FRMD4A: variants seen among roughly 807,000 people sequenced by gnomAD.
FRMD4A encodes FERM domain containing 4A.
Under a neutral mutation model 129.1 loss-of-function variants are expected in FRMD4A, and 29 were observed. The ratio of observed to expected loss-of-function variants is 0.22; its 90% CI spans 0.17 to 0.31. The LOEUF (loss-of-function observed/expected upper bound fraction) is 0.31, where lower values mean the gene tolerates loss of function less well. FRMD4A is among the 10% of genes least tolerant of loss of function. The pLI is 1.00. For missense variants in FRMD4A, 1,272 were observed against 1,375.8 expected (o/e 0.92, Z 1.19); for synonymous variants, 634 against 571.6 (o/e 1.11, Z -1.56).
At chr10:14,159,679 C>T (rs1840778875) in intron 2 of FRMD4A, among the ~76,000 whole-genome samples, 1 of 152,002 alleles carries the variant, frequency 6.6e-6, no homozygotes, top group Admixed American at 6.6e-5. Context: ...CAAAGCAATG[C>T]TGACAAAAAA....
At chr10:14,223,783 A>G (rs67133645) in intron 2 of FRMD4A, among the ~76,000 whole-genome samples, 105 of 132,722 alleles carry the variant, frequency 7.9e-4, no homozygotes, top group East Asian at 3.9e-3. Context: ...GAGAGAGAGA[A>G]AGAGAGAATA....
intron 2 of FRMD4A, among the ~76,000 whole-genome samples, chr10:14,058,428 A>G (rs1456999488): frequency 6.6e-6 from 1 of 152,208 alleles, no homozygotes; most frequent in African/African-American, 2.4e-5. Flanking sequence ...TCAACAAACC[A>G]CTGGCAGGCA....
chr10:13,668,706 G>A (rs575475221), intron 17 of FRMD4A, among the ~76,000 whole-genome samples: 1 of 152,152 alleles, frequency 6.6e-6, no homozygotes, highest in Admixed American at 6.5e-5. Flanking sequence ...GACCAAGGAG[G>A]GTGTTGGGGG....
intron 5 of FRMD4A, 51 bp from the exon 6 acceptor site, chr10:13,783,057 TAA>T (rs752084305): frequency 3.8e-6 from 3 of 786,960 alleles, no homozygotes; most frequent in Non-Finnish European, 7.0e-6. Context: ...GTGCAGAAAA[TAA>T]AGTGCTCTCT....
intron 2 of FRMD4A, among the ~76,000 whole-genome samples, chr10:14,161,870 T>C (rs1441062024): frequency 6.6e-6 from 1 of 152,186 alleles, no homozygotes; most frequent in African/African-American, 2.4e-5. Context: ...AAGTCCTGAT[T>C]TGATCATTAC....
At chr10:14,293,257 C>G (rs1845904694) in intron 2 of FRMD4A, among the ~76,000 whole-genome samples, 1 of 151,816 alleles carries the variant, frequency 6.6e-6, no homozygotes, top group Non-Finnish European at 1.5e-5. Flanking sequence ...CTTTTTTGAT[C>G]CTCTCTGCTC....
intron 17 of FRMD4A, chr10:13,667,561 G>C (rs1161218629): frequency 2.0e-5 from 3 of 152,266 alleles, no homozygotes; most frequent in Admixed American, 6.5e-5. Flanking sequence ...TGCTGACCAA[G>C]CCTCTCCTCT....
chr10:13,751,932 C>T (rs1242155481), intron 8 of FRMD4A, among the ~76,000 whole-genome samples: 4 of 152,100 alleles, frequency 2.6e-5, no homozygotes, highest in African/African-American at 9.7e-5. Context: ...GGGAGGATTG[C>T]TTGAGCCCAG....
chr10:13,735,120 G>A (rs574235555), intron 12 of FRMD4A, among the ~76,000 whole-genome samples: 90 of 152,236 alleles, frequency 5.9e-4, no homozygotes, highest in African/African-American at 2.0e-3. Flanking sequence ...TGATCCACCC[G>A]CCTCGGCCTC....
chr10:14,220,378 A>T (rs868288729), intron 2 of FRMD4A, among the ~76,000 whole-genome samples: 1 of 152,298 alleles, frequency 6.6e-6, no homozygotes, highest in South Asian at 2.1e-4. Context: ...CGTCAACATA[A>T]ACTCCTTTAA....
chr10:14,104,313 G>T (rs1210559961), intron 2 of FRMD4A, among the ~76,000 whole-genome samples: 1 of 152,148 alleles, frequency 6.6e-6, no homozygotes, highest in African/African-American at 2.4e-5. Flanking sequence ...CCGCCATCAA[G>T]GTCTACACTG....
chr10:13,762,970 C>T (rs191477511), intron 6 of FRMD4A, among the ~76,000 whole-genome samples: 70 of 152,150 alleles, frequency 4.6e-4, no homozygotes, highest in East Asian at 5.8e-4. Context: ...GTGAGTGAGA[C>T]CCTGGCTCAA....
chr10:14,094,168 T>C (rs1836812776), intron 2 of FRMD4A, among the ~76,000 whole-genome samples: 2 of 152,266 alleles, frequency 1.3e-5, no homozygotes, highest in African/African-American at 4.8e-5. Flanking sequence ...TCTGACAGTC[T>C]GGTTCAAAAG....
At chr10:13,647,064 A>AT (rs2081164222) in intron 24 of FRMD4A, 29 bp from the exon 25 acceptor site, 2 of 604,118 alleles carry the variant, frequency 3.3e-6, no homozygotes, top group Non-Finnish European at 4.1e-6. Flanking sequence ...AGGAGATGAG[A>AT]CAGTTAGTTA....
chr10:13,990,115 T>C (rs2447010), intron 2 of FRMD4A, among the ~76,000 whole-genome samples: 77,461 of 152,132 alleles, frequency 0.51, 21,767 homozygotes, highest in East Asian at 0.93. Flanking sequence ...AATCTCTCTC[T>C]ATTCTCTGTT....
At chr10:14,235,323 T>C (rs1843773415) in intron 2 of FRMD4A, among the ~76,000 whole-genome samples, 1 of 148,190 alleles carries the variant, frequency 6.7e-6, no homozygotes, top group Admixed American at 6.8e-5. Flanking sequence ...TAATTTTTTC[T>C]ATTTTTAGTA....
chr10:13,707,281 C>T (rs143431372), intron 12 of FRMD4A, 168 bp from the exon 13 acceptor site: 14 of 840,894 alleles, frequency 1.7e-5, no homozygotes, highest in Non-Finnish European at 1.7e-5. Flanking sequence ...CATACACACA[C>T]ACACGCAGCT....
At chr10:13,761,572 T>A in intron 8 of FRMD4A, 75 bp downstream of exon 8, 1 of 985,696 alleles carries the variant, frequency 1.0e-6, no homozygotes, top group South Asian at 1.4e-5. Context: ...AAAAAGGACA[T>A]CCTGATTAGT....
At chr10:14,247,253 C>T (rs889261380) in intron 2 of FRMD4A, among the ~76,000 whole-genome samples, 8 of 147,706 alleles carry the variant, frequency 5.4e-5, no homozygotes, top group South Asian at 4.4e-4. Context: ...AGTCAGTTTG[C>T]CATCTACACA....
Sources: gnomAD v4.1 joint callset for allele counts (sites outside exome capture counted in the v4.1 genomes callset) on GRCh38, gnomAD v4.1.1 for gene constraint, MANE v1.5 for transcripts, NCBI Gene and HGNC (gene_info 2026-07-23, HGNC 2026-07-21) for gene names.